Variants in DIP2A observed in about 807,000 individuals in gnomAD.
DIP2A encodes disco-interacting protein 2 homolog A.
A neutral mutation model predicts 177.4 loss-of-function variants in DIP2A; 85 were observed. The ratio of observed to expected loss-of-function variants is 0.48; its 90% CI spans 0.40 to 0.57. The LOEUF is 0.57. DIP2A is among the 20% of genes least tolerant of loss of function. The probability of loss-of-function intolerance (pLI) is 0.00; values close to 1 mark genes in which losing one functional copy is unlikely to be tolerated. For synonymous variants in DIP2A, 886 were observed against 881.8 expected (o/e 1.00, Z -0.08); for missense variants, 1,791 against 2,100.2 (o/e 0.85, Z 2.88).
At chr21:46,520,423 C>T (rs1378901952) in intron 8 of DIP2A, among the ~76,000 whole-genome samples, 3 of 152,206 alleles carry the variant, frequency 2.0e-5, no homozygotes, top group Non-Finnish European at 4.4e-5. Flanking sequence ...CCTATTAGTT[C>T]AGCTCATGCA....
intron 8 of DIP2A, among the ~76,000 whole-genome samples, chr21:46,524,697 C>G (rs4358218): frequency 1.3e-5 from 2 of 152,098 alleles, no homozygotes; most frequent in Admixed American, 6.6e-5. Context: ...TGCACCTTTT[C>G]TAATACAGGA....
intron 5 of DIP2A, among the ~76,000 whole-genome samples, chr21:46,501,699 A>G (rs1430019928): frequency 6.6e-6 from 1 of 152,256 alleles, no homozygotes; most frequent in Non-Finnish European, 1.5e-5. Context: ...TTAGGATTAT[A>G]GGAATGAGCC....
At chr21:46,550,498 G>A in intron 22 of DIP2A, 45 bp from the exon 23 acceptor site, 1 of 1,572,222 alleles carries the variant, frequency 6.4e-7, no homozygotes, top group African/African-American at 1.3e-5. Context: ...CATCTCCCCA[G>A]CCTCAAGTTG....
chr21:46,476,803 G>A (rs2055888310), intron 1 of DIP2A, among the ~76,000 whole-genome samples: 2 of 151,964 alleles, frequency 1.3e-5, no homozygotes, highest in South Asian at 4.2e-4. Context: ...TTACAGGTGT[G>A]TGCCACCATG....
chr21:46,544,018 T>C (rs2059930817), intron 18 of DIP2A, among the ~76,000 whole-genome samples: 1 of 152,228 alleles, frequency 6.6e-6, no homozygotes, highest in South Asian at 2.1e-4. Context: ...GGACAGTTCC[T>C]AGCTGACCCA....
chr21:46,559,318 G>T (rs1412499999), intron 32 of DIP2A, among the ~76,000 whole-genome samples: 1 of 152,210 alleles, frequency 6.6e-6, no homozygotes, highest in Non-Finnish European at 1.5e-5. Flanking sequence ...CATAGTACAA[G>T]AATAGCTGGA....
chr21:46,548,482 T>C (rs73907516), intron 21 of DIP2A, among the ~76,000 whole-genome samples: 5,688 of 152,180 alleles, frequency 0.037, 328 homozygotes, highest in African/African-American at 0.13. Context: ...CAATTGAGAG[T>C]ATATGTGCCA....
chr21:46,540,027 A>C, intron 17 of DIP2A, 36 bp downstream of exon 17: 1 of 1,544,040 alleles, frequency 6.5e-7, no homozygotes, highest in East Asian at 2.2e-5. Flanking sequence ...ATGAGCACTT[A>C]GTTGAATCTT....
At chr21:46,542,039 C>G in intron 18 of DIP2A, 144 bp downstream of exon 18, 1 of 935,426 alleles carries the variant, frequency 1.1e-6, no homozygotes, top group Middle Eastern at 3.4e-4. Context: ...TCCTCCGCCT[C>G]CCAGGTTCAA....
intron 8 of DIP2A, among the ~76,000 whole-genome samples, chr21:46,527,352 G>T (rs1427828038): frequency 2.6e-5 from 3 of 117,186 alleles, no homozygotes; most frequent in African/African-American, 6.9e-5. Flanking sequence ...TTTTGAGAGG[G>T]AGTCTCACTC....
Position 46,537,244 on chromosome 21 carries a change from C to T in DIP2A, c.1663C>T (p.Leu555=). The T allele has an allele frequency of 6.2e-7, 1 of 1,614,000 alleles. No individual in the cohort carries two copies. The highest frequency in any genetic ancestry group is 8.5e-7 in the Non-Finnish European group (1 of 1,179,898). The change falls in exon 14 of 38, where the codon CTG becomes TTG. Residue 555 remains leucine (L), a synonymous_variant. Transcript: ENST00000417564. The surrounding 1 kb of genome is among the most constrained non-coding windows in gnomAD (Gnocchi z 4.1). ...TGCAGCTGAAACATTAACAAACGTG[C>T]TGGATTTCAAAAGGGATGCTGGTCT... The part of the protein sequence containing the change: ...YSEAETLTNV[L]DFKRDAGLWH...
At chr21:46,540,063 GCTGTGC>G (rs142952810) in intron 17 of DIP2A, 72 bp downstream of exon 17, 7 of 1,283,652 alleles carry the variant, frequency 5.5e-6, no homozygotes, top group Admixed American at 3.4e-5. Context: ...TTATCCTGGA[GCTGTGC>G]CTGTGCCTGT....
At chr21:46,508,271 G>A (rs1227020047) in intron 6 of DIP2A, among the ~76,000 whole-genome samples, 4 of 150,806 alleles carry the variant, frequency 2.7e-5, no homozygotes, top group Non-Finnish European at 4.4e-5. Context: ...TAAACTTCTG[G>A]CCTCAAGCGA....
chr21:46,484,035 T>C (rs377122451), intron 1 of DIP2A, among the ~76,000 whole-genome samples: 1 of 152,194 alleles, frequency 6.6e-6, no homozygotes, highest in South Asian at 2.1e-4. Context: ...TTTTTCCTTA[T>C]GATAATTTAC....
intron 5 of DIP2A, among the ~76,000 whole-genome samples, chr21:46,503,627 T>C (rs1317713228): frequency 3.7e-3 from 450 of 123,140 alleles, no homozygotes; most frequent in Middle Eastern, 0.012. Context: ...TTTCTTTCTT[T>C]CTTTCTTTCC....
rs2054189571 is a variant in DIP2A, at chr21:46,460,342, GAGTTA to G, written c.91+1125_91+1129del. 6.6e-5 allele frequency among the ~76,000 whole-genome samples: 10 copies of G among 152,310 alleles called. 1 individual carries two copies. The South Asian group carries it at 2.1e-3, about 32-fold the overall frequency. ...ATTCCTTTTGGCTGTCTTTGGGAAA[GAGTTA>G]AGTTCTTCTCCAGTGTCAGAAAGGA... On this transcript the variant is annotated intron_variant, in intron 1 of 37. Coordinates refer to ENST00000417564, the MANE Select transcript of DIP2A (RefSeq NM_015151.4).
chr21:46,472,019 G>A (rs1188896613), intron 1 of DIP2A, among the ~76,000 whole-genome samples: 1 of 152,148 alleles, frequency 6.6e-6, no homozygotes, highest in Non-Finnish European at 1.5e-5. Flanking sequence ...GAAACAAAAG[G>A]ACACAATTGT....
In DIP2A at chr21:46,529,176, G is replaced by A. The variant is rs1276125116; in HGVS notation, c.1187G>A (p.Gly396Glu). 1 of 1,518,728 alleles carries A rather than the reference G, an allele frequency of 6.6e-7. No homozygotes were observed. Among genetic ancestry groups the A allele is most frequent in the Non-Finnish European group, 8.9e-7 (1 of 1,126,432 alleles). 94.1% of individuals were successfully genotyped at this position (1,518,728 alleles called of 1,614,324 possible). Residue 396 changes from glycine to glutamate, a missense_variant, in exon 9 of 38, where the codon GGA becomes GAA. Gly to Glu is a moderately conservative substitution (Grantham distance 98, BLOSUM62 -2). Coordinates refer to ENST00000417564, the MANE Select transcript of DIP2A (RefSeq NM_015151.4). ...TSKNEPLLKP[G>E]DRVALVFPNS... The stretch of plus-strand genomic sequence containing the variant: ...AAGAATGAACCTCTACTTAAACCTG[G>A]AGACAGAGTAAGTAACTAGAATGTC...
At chr21:46,549,708 A>C (rs1236327867) in intron 21 of DIP2A, 63 bp from the exon 22 acceptor site, 3 of 1,597,204 alleles carry the variant, frequency 1.9e-6, no homozygotes, top group Non-Finnish European at 2.6e-6. Flanking sequence ...CGTGAGGGTG[A>C]GAATGCATCT....
Sources: allele counts gnomAD v4.1 joint callset (sites outside exome capture counted in the v4.1 genomes callset), GRCh38; gene constraint gnomAD v4.1.1; non-coding constraint Gnocchi (gnomAD v3.1); transcripts MANE v1.5; gene names NCBI Gene and HGNC (gene_info 2026-07-23, HGNC 2026-07-21).